The following AIG1 variants were observed in gnomAD, a reference collection of about 807,000 sequenced individuals.
The protein encoded by AIG1 is androgen-induced gene 1 protein.
AIG1 carries 23 observed loss-of-function variants against 31.4 expected under a neutral mutation model. The observed-to-expected ratio is 0.73, with a 90% CI of 0.53 to 1.04. AIG1 has a LOEUF of 1.04. Ranked by LOEUF, AIG1 falls within the 50% of genes least tolerant of loss-of-function variation. The probability of loss-of-function intolerance (pLI) is 0.00; values close to 1 mark genes in which losing one functional copy is unlikely to be tolerated. For synonymous variants in AIG1, 100 were observed against 110.5 expected (o/e 0.90, Z 0.60); for missense variants, 274 against 295.0 (o/e 0.93, Z 0.52).
chr6:143,073,354 G>C lies in AIG1; in HGVS notation c.141+12288G>C, dbSNP rs368181610. ...CATGGGAGTGCAGATATCTTTGTGA[G>C]ATGGTGATTTCATTTCCTTTGGTTA... On this transcript the variant is annotated intron_variant, in intron 1 of 5. Coordinates refer to ENST00000357847, the MANE Select transcript of AIG1 (RefSeq NM_016108.4). Among the ~76,000 whole-genome samples, 21 of 152,338 alleles carry C rather than the reference G, an allele frequency of 1.4e-4. No homozygotes were observed. The South Asian group carries it at 4.4e-3, about 32-fold the overall frequency.
chr6:143,129,057 C>T lies in AIG1; in HGVS notation c.142-7778C>T, dbSNP rs139741112. Among the ~76,000 whole-genome samples the T allele has an allele frequency of 6.7e-3, 1,022 of 152,136 alleles. 4 individuals carry two copies. Among genetic ancestry groups the T allele is most frequent in the Middle Eastern group, 0.014 (4 of 294 alleles). ...CTGTAATCCCAGCATTTTGGGAGGCCGAGGCAGGCAGATCACGAGGTCAAG... is the reference window on the plus strand; with the variant it reads ...CTGTAATCCCAGCATTTTGGGAGGCTGAGGCAGGCAGATCACGAGGTCAAG... On this transcript the variant is annotated intron_variant, in intron 1 of 5. Transcript: ENST00000357847.
intron 3 of AIG1, among the ~76,000 whole-genome samples, chr6:143,261,585 C>A (rs1311424588): frequency 2.6e-5 from 4 of 152,158 alleles, no homozygotes; most frequent in Non-Finnish European, 4.4e-5. Flanking sequence ...GCAAAAAAAT[C>A]TATTAAAAAG....
rs1031370990 is a variant in AIG1 at position 143,232,025 on chromosome 6, A to G, written c.400-52085A>G. On this transcript the variant is annotated intron_variant, in intron 3 of 5. Coordinates refer to ENST00000357847, the MANE Select transcript of AIG1 (RefSeq NM_016108.4). ...AGTCAGGGGATCTCTCCATTTAATC[A>G]TAAAGGCATTGTGGAGCCTTTGCCA... is the stretch of plus-strand genomic sequence containing the variant. Among the ~76,000 whole-genome samples, 4 of 152,362 alleles carry G rather than the reference A, an allele frequency of 2.6e-5. No homozygotes were observed. The South Asian group carries it at 8.3e-4, about 32-fold the overall frequency.
intron 1 of AIG1, chr6:143,061,474 G>A (rs1776255392): frequency 2.8e-6 from 1 of 352,054 alleles, no homozygotes. Flanking sequence ...CACCCACCGT[G>A]GGATGAACTT....
chr6:143,060,548 G>A (rs769697303), upstream of AIG1: 1 of 313,206 alleles, frequency 3.2e-6, no homozygotes, highest in Non-Finnish European at 7.2e-6. Flanking sequence ...CGCACTTCCC[G>A]AGCCCTCGTA....
chr6:143,212,021 C>T (rs914177617), intron 3 of AIG1, among the ~76,000 whole-genome samples: 1 of 152,080 alleles, frequency 6.6e-6, no homozygotes, highest in Non-Finnish European at 1.5e-5. Context: ...CTATTTGGGA[C>T]CGGATAATTC....
In AIG1 at chr6:143,223,142, C is replaced by G. The variant is rs1473719427; in HGVS notation, c.399+57959C>G. Among the ~76,000 whole-genome samples, 8 of 152,210 alleles carry G rather than the reference C, an allele frequency of 5.3e-5. No homozygotes were observed. The East Asian group carries it at 1.5e-3, about 29-fold the overall frequency. On this transcript the variant is annotated intron_variant, in intron 3 of 5. Transcript: ENST00000357847. ...AAGGCAGAAGCCAGCCAGCCTCTGT[C>G]TAGCAGACCCACTGGTGTGCTGAGC...
intron 2 of AIG1, among the ~76,000 whole-genome samples, chr6:143,149,302 G>A (rs367991098): frequency 4.6e-5 from 7 of 152,044 alleles, no homozygotes; most frequent in Non-Finnish European, 7.4e-5. Flanking sequence ...TGAGGCAGGC[G>A]GATCACAAGG....
At chr6:143,175,629 C>T (rs1788069885) in intron 3 of AIG1, among the ~76,000 whole-genome samples, 2 of 152,120 alleles carry the variant, frequency 1.3e-5, no homozygotes, top group South Asian at 4.1e-4. Flanking sequence ...TTGCATTTCT[C>T]TAAGTGTGAT....
intron 1 of AIG1, among the ~76,000 whole-genome samples, chr6:143,096,197 C>T (rs1052706756): frequency 5.3e-5 from 8 of 152,038 alleles, no homozygotes; most frequent in African/African-American, 1.7e-4. Flanking sequence ...TGAGCCACCA[C>T]GCCCGGCCCT....
chr6:143,083,375 G>A (rs1441421570), intron 1 of AIG1, among the ~76,000 whole-genome samples: 1 of 152,198 alleles, frequency 6.6e-6, no homozygotes, highest in Non-Finnish European at 1.5e-5. Context: ...GGGTAAAACA[G>A]TCCAGGTGAG....
intron 4 of AIG1, among the ~76,000 whole-genome samples, chr6:143,307,909 G>A (rs1208151835): frequency 1.3e-5 from 2 of 152,260 alleles, no homozygotes; most frequent in African/African-American, 4.8e-5. Context: ...CCTGGGCAAT[G>A]GCGGGCGCCC....
chr6:143,214,051 AT>A (rs1286708606), intron 3 of AIG1, among the ~76,000 whole-genome samples: 1 of 152,176 alleles, frequency 6.6e-6, no homozygotes, highest in Non-Finnish European at 1.5e-5. Context: ...ATAATAAAAC[AT>A]ATGCTTGATT....
At chr6:143,313,024 A>G (rs1054762811) in intron 4 of AIG1, among the ~76,000 whole-genome samples, 1 of 152,158 alleles carries the variant, frequency 6.6e-6, no homozygotes, top group Admixed American at 6.6e-5. Context: ...CACCCCAGTA[A>G]AAATGGCTTT....
chr6:143,160,691 G>C (rs1399694159), intron 2 of AIG1, among the ~76,000 whole-genome samples: 1 of 152,182 alleles, frequency 6.6e-6, no homozygotes, highest in Non-Finnish European at 1.5e-5. Flanking sequence ...GCCCTGGTAG[G>C]AGAGTTCAAA....
At position 143,154,457 on chromosome 6, in the gene AIG1, T is replaced by C. The variant is rs1435177326; in HGVS notation, c.298-10625T>C. Among the ~76,000 whole-genome samples the C allele has an allele frequency of 2.0e-5, 3 of 152,018 alleles. No homozygotes were observed. The East Asian group carries it at 5.8e-4, about 29-fold the overall frequency. ...GTTAAGGTTGTGGGGAGGGTGTGAC[T>C]ATCAGGAGTTAGTACCAGGCCTCCC... On this transcript the variant is annotated intron_variant, in intron 2 of 5. Transcript: ENST00000357847.
At chr6:143,217,435 G>C (rs548937164) in intron 3 of AIG1, among the ~76,000 whole-genome samples, 1 of 152,292 alleles carries the variant, frequency 6.6e-6, no homozygotes, top group Admixed American at 6.5e-5. Flanking sequence ...TTGTTGAATT[G>C]AATTGAAATT....
chr6:143,287,017 C>T (rs1797727659), intron 4 of AIG1, among the ~76,000 whole-genome samples: 2 of 151,872 alleles, frequency 1.3e-5, no homozygotes, highest in African/African-American at 4.8e-5. Context: ...GGTCTCCTTC[C>T]GTGATGACTT....
intron 3 of AIG1, among the ~76,000 whole-genome samples, chr6:143,271,238 A>G (rs1441620926): frequency 6.6e-6 from 1 of 152,240 alleles, no homozygotes; most frequent in Admixed American, 6.5e-5. Flanking sequence ...ATCTCAGCCC[A>G]TAAGAAAAAC....
Sources: allele counts gnomAD v4.1 joint callset (sites outside exome capture counted in the v4.1 genomes callset), GRCh38; gene constraint gnomAD v4.1.1; transcripts MANE v1.5; gene names NCBI Gene and HGNC (gene_info 2026-07-23, HGNC 2026-07-21).